The following ATP1A4 variants were observed in gnomAD, a reference collection of about 807,000 sequenced individuals.
The protein encoded by ATP1A4 is sodium/potassium-transporting ATPase subunit alpha-4.
ATP1A4 carries 90 observed loss-of-function variants against 114.3 expected under a neutral mutation model. The observed-to-expected ratio is 0.79, with a 90% CI of 0.66 to 0.94. ATP1A4 has a LOEUF of 0.94. Ranked by LOEUF, ATP1A4 falls within the 40% of genes least tolerant of loss-of-function variation. The probability of loss-of-function intolerance (pLI) is 0.00; values close to 1 mark genes in which losing one functional copy is unlikely to be tolerated. For missense variants in ATP1A4, 1,222 were observed against 1,313.6 expected, an observed-to-expected ratio of 0.93 and a Z score of 1.08; for synonymous variants, 511 against 494.1, an observed-to-expected ratio of 1.03 and a Z score of -0.45.
intron 18 of ATP1A4, 83 bp from the exon 19 acceptor site, chr1:160,181,601 C>A: frequency 6.6e-7 from 1 of 1,504,268 alleles, no homozygotes; most frequent in Non-Finnish European, 9.1e-7. Context: ...GCCCAGGGGT[C>A]CTGGAAGGTG....
intron 18 of ATP1A4, among the ~76,000 whole-genome samples, chr1:160,178,287 A>C (rs998594176): frequency 6.6e-6 from 1 of 152,082 alleles, no homozygotes; most frequent in Non-Finnish European, 1.5e-5. Context: ...CCCGGGGGGC[A>C]AAGTTTGCAG....
rs759005020 is a variant in ATP1A4, at chr1:160,174,674, C to T, written c.2238C>T (p.Asp746=). ...IGIAMGISGS[D]VSKQAADMIL... is the part of the protein sequence containing the mutation. ...TTGCCATGGGCATCTCTGGCTCTGA[C>T]GTCTCTAAGCAGGCAGCCGACATGA... The change falls in exon 15 of 22, where the codon GAC becomes GAT. Residue 746 remains aspartate, a synonymous_variant. Coordinates refer to ENST00000368081, the MANE Select transcript of ATP1A4 (RefSeq NM_144699.4). 18 of 1,614,036 alleles carry T rather than the reference C, an allele frequency of 1.1e-5. No homozygotes were observed. The highest frequency in any genetic ancestry group is 1.1e-4 in the East Asian group (5 of 44,884).
At position 160,164,316 on chromosome 1, in the gene ATP1A4, T is replaced by C; in HGVS notation, c.939T>C (p.Thr313=). ...TGGTGGCCGTCTTCCTTGGTGTCAC[T>C]TTTTTTGCGCTCTCACTTCTCTTGG... The part of the protein sequence containing the change: ...ITVVAVFLGV[T]FFALSLLLGY... Residue 313 remains threonine (T), a synonymous_variant, in exon 7 of 22, where the codon ACT becomes ACC. Transcript: ENST00000368081. 4.3e-6 allele frequency: 7 copies of C among 1,614,096 alleles called. No homozygotes were observed. Among genetic ancestry groups the C allele is most frequent in the Non-Finnish European group, 5.9e-6 (7 of 1,179,966 alleles).
At chr1:160,173,507 T>C in intron 12 of ATP1A4, 74 bp from the exon 13 acceptor site, 1 of 1,575,892 alleles carries the variant, frequency 6.3e-7, no homozygotes. Context: ...GTCTGTCAGT[T>C]CTCAGAGGAG....
In ATP1A4 at chr1:160,166,722, G is replaced by A. The variant is rs779151841; in HGVS notation, c.1242G>A (p.Gln414=). ...TVYEADTTEE[Q]TGKTFTKSSD... is the part of the protein sequence containing the mutation. ...ATGAGGCCGACACCACTGAAGAACAGACTGGTGACTAGTGGTATTGGTGGA... is the reference window on the plus strand; with the variant it reads ...ATGAGGCCGACACCACTGAAGAACAAACTGGTGACTAGTGGTATTGGTGGA... Residue 414 remains glutamine (Q), a synonymous_variant, in exon 8 of 22, where the codon CAG becomes CAA. Coordinates refer to ENST00000368081, the MANE Select transcript of ATP1A4 (RefSeq NM_144699.4). The A allele has an allele frequency of 2.5e-6, 4 of 1,614,094 alleles. No homozygotes were observed. Among genetic ancestry groups the A allele is most frequent in the Middle Eastern group, 1.6e-4 (1 of 6,084 alleles).
chr1:160,172,571 T>G (rs11265342), intron 12 of ATP1A4, among the ~76,000 whole-genome samples: 71,140 of 152,082 alleles, frequency 0.47, 17,152 homozygotes, highest in East Asian at 0.59. Context: ...TGAGGTGTTC[T>G]GTGTCCCATG....
chr1:160,172,891 G>A (rs979527856), intron 12 of ATP1A4, among the ~76,000 whole-genome samples: 1 of 152,166 alleles, frequency 6.6e-6, no homozygotes, highest in Non-Finnish European at 1.5e-5. Flanking sequence ...TTTGTTGATG[G>A]CTTACTATGT....
Position 160,186,673 on chromosome 1 carries a change from TG to T in ATP1A4, c.3067del (p.Val1023TrpfsTer12). ...CGCTGGCCTCTTCTCTTCCACAGGCTGGGTGGAAAGGGAGACGTACTACTAA... is the reference window on the plus strand; with the variant it reads ...CGCTGGCCTCTTCTCTTCCACAGGCTGGTGGAAAGGGAGACGTACTACTAA... Reference protein sequence around the residue: ...KLLIRQHPDGWVERETYY With the variant: ...KLLIRQHPDGXVERETYY On this transcript the variant is annotated frameshift_variant, in exon 22 of 22. Transcript: ENST00000368081. LOFTEE classifies it high-confidence loss of function. 6.2e-7 allele frequency: 1 copy of T among 1,610,880 alleles called. No individual in the cohort carries two copies. The highest frequency in any genetic ancestry group is 8.5e-7 in the Non-Finnish European group (1 of 1,178,584).
Position 160,151,963 on chromosome 1 carries a change from C to G in ATP1A4, c.-78C>G, listed in dbSNP as rs572718039. 6.5e-7 allele frequency: 1 copy of G among 1,534,068 alleles called. No homozygotes were observed. The highest frequency in any genetic ancestry group is 2.3e-5 in the East Asian group (1 of 44,252). On this transcript the variant is annotated 5_prime_UTR_variant, in exon 1 of 22. Coordinates refer to ENST00000368081, the MANE Select transcript of ATP1A4 (RefSeq NM_144699.4). ...TCTCGTGGCCCCCTTGCCCGCGCGCCCTCTTCCCTTCCCCTTGCCTCACTC... is the reference window on the plus strand; with the variant it reads ...TCTCGTGGCCCCCTTGCCCGCGCGCGCTCTTCCCTTCCCCTTGCCTCACTC...
chr1:160,159,141 G>A lies in ATP1A4; in HGVS notation c.660+5G>A. 1 of 1,613,108 alleles carries A rather than the reference G, an allele frequency of 6.2e-7. No individual in the cohort carries two copies. On this transcript the variant is annotated splice_donor_5th_base_variant and intron_variant, in intron 5 of 21. Coordinates refer to ENST00000368081, the MANE Select transcript of ATP1A4 (RefSeq NM_144699.4). ...ATCTCTGCACAAGGATGTAAGGTGA[G>A]GGGATGCCGAAAGCTATGTGAGGGA...
chr1:160,159,523 G>T lies in ATP1A4; in HGVS notation c.775G>T (p.Glu259Ter). 1 of 1,611,520 alleles carries T rather than the reference G, an allele frequency of 6.2e-7. No individual in the cohort carries two copies. Among genetic ancestry groups the T allele is most frequent in the Non-Finnish European group, 8.5e-7 (1 of 1,178,572 alleles). Residue 259 changes from glutamate to a stop codon, truncating the protein, a stop_gained, in exon 6 of 22, where the codon GAA (glutamate) becomes TAA (stop). Transcript: ENST00000368081. LOFTEE classifies it high-confidence loss of function. ...CTGCTTCTTTTCCACCAACTGTGTG[G>T]AAGGTGAATATCGAACCATAAGTAG... is the stretch of plus-strand genomic sequence containing the variant. ...NICFFSTNCVEGTARGIVIAT... is the reference protein window; with the variant it reads ...NICFFSTNCV
At chr1:160,185,087 A>G (rs968594295) in intron 20 of ATP1A4, among the ~76,000 whole-genome samples, 14 of 149,066 alleles carry the variant, frequency 9.4e-5, no homozygotes, top group African/African-American at 3.5e-4. Context: ...TATGACATTT[A>G]TCATATTATA....
rs1399565697 is a variant in ATP1A4 at position 160,181,942 on chromosome 1, A to G, written c.2880A>G (p.Leu960=). The part of the protein sequence containing the change: ...LFQQGMRNKV[L]IFGILEETLL... ...TGTTTCTTCCCAGAAACAAAGTCTT[A>G]ATATTTGGGATCCTGGAGGAGACAC... is the stretch of plus-strand genomic sequence containing the variant. The change falls in exon 20 of 22, where the codon TTA becomes TTG. Residue 960 remains leucine (L), a synonymous_variant. Coordinates refer to ENST00000368081, the MANE Select transcript of ATP1A4 (RefSeq NM_144699.4). 5.6e-6 allele frequency: 9 copies of G among 1,613,988 alleles called. No individual in the cohort carries two copies. The East Asian group carries it at 1.8e-4, about 32-fold the overall frequency.
chr1:160,159,923 A>G (rs1371488352), intron 6 of ATP1A4, among the ~76,000 whole-genome samples: 2 of 152,202 alleles, frequency 1.3e-5, no homozygotes, highest in African/African-American at 2.4e-5. Flanking sequence ...GGTAAGCCCT[A>G]ACTTCTAACT....
intron 3 of ATP1A4, 21 bp from the exon 4 acceptor site, chr1:160,156,024 G>A (rs760295521): frequency 6.7e-7 from 1 of 1,490,656 alleles, no homozygotes. Context: ...ACTGATAAAC[G>A]CTTTCTTTCC....
At position 160,185,956 on chromosome 1, in the gene ATP1A4, G is replaced by A. The variant is rs1008459970; in HGVS notation, c.2970-320G>A. Reference sequence around the variant, plus strand: ...AAAAATTGCAAAAAATTAGCTGGGCGTGGTGGTGCACACCTGTAATCTCAG... The same window carrying A: ...AAAAATTGCAAAAAATTAGCTGGGCATGGTGGTGCACACCTGTAATCTCAG... On this transcript the variant is annotated intron_variant, in intron 20 of 21. Transcript: ENST00000368081. Among the ~76,000 whole-genome samples the A allele has an allele frequency of 9.3e-5, 14 of 150,158 alleles. No individual in the cohort carries two copies. In the South Asian group the frequency reaches 1.1e-3, roughly 11 times the overall value.
chr1:160,152,096 GA>G lies in ATP1A4; in HGVS notation c.58del (p.Arg20AspfsTer12). 1 of 1,613,922 alleles carries G rather than the reference GA, an allele frequency of 6.2e-7. No individual in the cohort carries two copies. Among genetic ancestry groups the G allele is most frequent in the Non-Finnish European group, 8.5e-7 (1 of 1,179,948 alleles). On this transcript the variant is annotated frameshift_variant, in exon 1 of 22. Coordinates refer to ENST00000368081, the MANE Select transcript of ATP1A4 (RefSeq NM_144699.4). LOFTEE classifies it high-confidence loss of function. ...GCTCCCCATGACCAGAGTCCAAGAC[GA>G]AGACCTAAAAAAGGGCTTATCAAGA... ...TVAPHDQSPR[R>X]RPKKGLIKKK...
chr1:160,152,089 C>A lies in ATP1A4; in HGVS notation c.49C>A (p.Pro17Thr). 6.2e-7 allele frequency: 1 copy of A among 1,613,890 alleles called. No homozygotes were observed. The highest frequency in any genetic ancestry group is 8.5e-7 in the Non-Finnish European group (1 of 1,179,964). The change falls in exon 1 of 22, where the codon CCA becomes ACA. Residue 17 changes from proline to threonine, a missense_variant. Pro to Thr is a conservative substitution (Grantham distance 38, BLOSUM62 -1). Coordinates refer to ENST00000368081, the MANE Select transcript of ATP1A4 (RefSeq NM_144699.4). ...GACAGTGGCTCCCCATGACCAGAGT[C>A]CAAGACGAAGACCTAAAAAAGGGCT... Reference protein sequence around the residue: ...KGTVAPHDQSPRRRPKKGLIK... With the variant: ...KGTVAPHDQSTRRRPKKGLIK...
chr1:160,152,111 G>C lies in ATP1A4; in HGVS notation c.71G>C (p.Gly24Ala). 6.2e-7 allele frequency: 1 copy of C among 1,614,008 alleles called. No homozygotes were observed. Among genetic ancestry groups the C allele is most frequent in the Non-Finnish European group, 8.5e-7 (1 of 1,179,968 alleles). The change falls in exon 1 of 22, where the codon GGG (glycine) becomes GCG (alanine). Residue 24 changes from glycine (G) to alanine (A), a missense_variant. Physicochemically the swap from Gly to Ala is moderately conservative, Grantham distance 60 (BLOSUM62 0). Transcript: ENST00000368081. Reference sequence around the variant, plus strand: ...AGTCCAAGACGAAGACCTAAAAAAGGGCTTATCAAGAAAAAAATGGTGAAG... The same window carrying C: ...AGTCCAAGACGAAGACCTAAAAAAGCGCTTATCAAGAAAAAAATGGTGAAG... Reference protein sequence around the residue: ...DQSPRRRPKKGLIKKKMVKRE... With the variant: ...DQSPRRRPKKALIKKKMVKRE...
Sources: allele counts gnomAD v4.1 joint callset (sites outside exome capture counted in the v4.1 genomes callset), GRCh38; gene constraint gnomAD v4.1.1; transcripts MANE v1.5; gene names NCBI Gene and HGNC (gene_info 2026-07-23, HGNC 2026-07-21).